Variants in DLC1 observed in about 807,000 individuals in gnomAD.
DLC1 encodes rho GTPase-activating protein 7.
In DLC1, 54 loss-of-function variants were observed where a neutral mutation model predicts 140.3. That is an observed-to-expected ratio of 0.38 (90% CI 0.31 to 0.48). The LOEUF (loss-of-function observed/expected upper bound fraction) is 0.48. Ranked by LOEUF, DLC1 falls within the 20% of genes least tolerant of loss-of-function variation. The pLI, the probability that DLC1 is intolerant of heterozygous loss-of-function variation, is 0.96. For missense variants in DLC1, 2,536 were observed against 1,907.0 expected (o/e 1.33, Z -6.14); for synonymous variants, 986 against 728.1 (o/e 1.35, Z -5.70).
At chr8:13,278,791 A>G (rs979874461) in intron 5 of DLC1, among the ~76,000 whole-genome samples, 1 of 152,230 alleles carries the variant, frequency 6.6e-6, no homozygotes, top group Non-Finnish European at 1.5e-5. Flanking sequence ...AAGGGAAATA[A>G]GCATTCATTA....
At chr8:13,439,094 A>C (rs181489220) in intron 2 of DLC1, among the ~76,000 whole-genome samples, 3 of 152,250 alleles carry the variant, frequency 2.0e-5, no homozygotes, top group East Asian at 3.9e-4. Flanking sequence ...TGGGAGGCCA[A>C]GGTGGGTAGA....
chr8:13,391,128 T>C (rs1836741798), intron 4 of DLC1, among the ~76,000 whole-genome samples: 1 of 152,248 alleles, frequency 6.6e-6, no homozygotes, highest in South Asian at 2.1e-4. Context: ...CATGGCCTGC[T>C]AGAGAACTTT....
At chr8:13,322,546 C>G (rs1833167765) in intron 4 of DLC1, among the ~76,000 whole-genome samples, 1 of 152,158 alleles carries the variant, frequency 6.6e-6, no homozygotes, top group Admixed American at 6.5e-5. Flanking sequence ...GACCTCAGAT[C>G]TAGTCCTATA....
chr8:13,352,578 C>A (rs1189363038), intron 4 of DLC1, among the ~76,000 whole-genome samples: 1 of 151,722 alleles, frequency 6.6e-6, no homozygotes, highest in Non-Finnish European at 1.5e-5. Context: ...ACAGGGCCTC[C>A]CTATGTTGCC....
upstream of DLC1, among the ~76,000 whole-genome samples, chr8:13,517,428 A>G (rs1207032355): frequency 6.6e-6 from 1 of 152,204 alleles, no homozygotes; most frequent in African/African-American, 2.4e-5. Flanking sequence ...CAAAAAATAC[A>G]TTATGTTTTC....
intron 5 of DLC1, among the ~76,000 whole-genome samples, chr8:13,156,511 A>T (rs1824270044): frequency 6.6e-6 from 1 of 152,144 alleles, no homozygotes; most frequent in Admixed American, 6.5e-5. Context: ...AGCCTGGCAA[A>T]ACCTATCAAA....
At position 13,090,209 on chromosome 8, in the gene DLC1, C is replaced by T. The variant is rs373719639; in HGVS notation, c.4074+43G>A. On this transcript the variant is annotated intron_variant, in intron 15 of 17. Coordinates refer to ENST00000276297, the MANE Select transcript of DLC1 (RefSeq NM_182643.3). ...TGTTATCTCTGATGGACCCAAGCTT[C>T]GACTCCTGGACTCAACTAGCCGACA... The T allele has an allele frequency of 1.8e-5, 28 of 1,576,240 alleles. No homozygotes were observed. The South Asian group carries it at 2.3e-4, about 13-fold the overall frequency.
intron 5 of DLC1, among the ~76,000 whole-genome samples, chr8:13,218,165 G>A (rs1354217191): frequency 2.0e-5 from 3 of 152,166 alleles, no homozygotes; most frequent in African/African-American, 7.2e-5. Context: ...AACAAATGGT[G>A]CTGGGACAAC....
intron 1 of DLC1, among the ~76,000 whole-genome samples, chr8:13,551,075 C>CACACAGACT (rs71207163): frequency 1.6e-5 from 2 of 121,718 alleles, no homozygotes; most frequent in Non-Finnish European, 3.3e-5. Flanking sequence ...CACACACACA[C>CACACAGACT]TTTTTTTTTT....
chr8:13,437,544 A>C (rs1408290503), intron 2 of DLC1, among the ~76,000 whole-genome samples: 1 of 152,228 alleles, frequency 6.6e-6, no homozygotes, highest in African/African-American at 2.4e-5. Context: ...TATGTCTTTC[A>C]ACATATCACG....
At chr8:13,398,793 A>T (rs1837165727) in intron 3 of DLC1, among the ~76,000 whole-genome samples, 1 of 152,138 alleles carries the variant, frequency 6.6e-6, no homozygotes, top group South Asian at 2.1e-4. Flanking sequence ...GGATGGAGAC[A>T]GATCAGTATT....
intron 5 of DLC1, among the ~76,000 whole-genome samples, chr8:13,146,301 C>A (rs117764483): frequency 0.023 from 3,457 of 151,080 alleles, 59 homozygotes; most frequent in Non-Finnish European, 0.03. Context: ...CACTGTAATA[C>A]GTAATAGTTG....
Position 13,498,782 on chromosome 8 carries a change from G to A in DLC1, c.1023+267C>T, listed in dbSNP as rs1585208151. 1.2e-5 allele frequency: 4 copies of A among 332,054 alleles called. No individual in the cohort carries two copies. The East Asian group carries it at 1.5e-4, about 13-fold the overall frequency. The allele number at this position is 332,054 out of a possible 1,614,324, so 20.6% of individuals were successfully genotyped here. ...GCTATTTAATTCCAACTAAAGAAAG[G>A]GATACCAATCCTGTTTTCAACACAA... is the stretch of plus-strand genomic sequence containing the variant. On this transcript the variant is annotated intron_variant, in intron 2 of 17. Transcript: ENST00000276297.
intron 5 of DLC1, among the ~76,000 whole-genome samples, chr8:13,199,677 A>G (rs1042029983): frequency 6.6e-6 from 1 of 152,176 alleles, no homozygotes; most frequent in African/African-American, 2.4e-5. Flanking sequence ...TGGCTTCTTC[A>G]TAAGATGGTG....
chr8:13,315,249 C>CACAT (rs1249676213), intron 4 of DLC1, among the ~76,000 whole-genome samples: 26 of 152,106 alleles, frequency 1.7e-4, no homozygotes, highest in Admixed American at 1.7e-3. Flanking sequence ...ACCCTGTCTC[C>CACAT]ACATACATAC....
Position 13,594,690 on chromosome 8 carries a change from A to G in DLC1, c.-126+9847T>C, listed in dbSNP as rs570684892. Among the ~76,000 whole-genome samples the G allele has an allele frequency of 3.9e-5, 6 of 152,090 alleles. No individual in the cohort carries two copies. In the South Asian group the frequency reaches 1.2e-3, roughly 32 times the overall value. ...TTTTTCTTTTTTAAAGTGAAAGCACATTTATTAGAGAAGTAAAGAAAGAAA... is the reference window on the plus strand; with the variant it reads ...TTTTTCTTTTTTAAAGTGAAAGCACGTTTATTAGAGAAGTAAAGAAAGAAA... On this transcript the variant is annotated intron_variant, in intron 1 of 1. Coordinates refer to the DLC1 transcript ENST00000631382.
chr8:13,379,683 A>G lies in DLC1; in HGVS notation c.1314+13870T>C, dbSNP rs139562226. ...TCAAGTTCTGGGGTACATGTGCAGA[A>G]CTTGCAGGTTTGTTACATAGGTATA... is the stretch of plus-strand genomic sequence containing the variant. On this transcript the variant is annotated intron_variant, in intron 4 of 17. Coordinates refer to ENST00000276297, the MANE Select transcript of DLC1 (RefSeq NM_182643.3). Among the ~76,000 whole-genome samples the G allele has an allele frequency of 9.6e-3, 1,457 of 152,228 alleles. 21 individuals carry two copies. The highest frequency in any genetic ancestry group is 0.033 in the African/African-American group (1,375 of 41,522).
intron 3 of DLC1, among the ~76,000 whole-genome samples, chr8:13,394,778 A>T (rs1310278638): frequency 6.6e-6 from 1 of 152,094 alleles, no homozygotes; most frequent in East Asian, 1.9e-4. Flanking sequence ...TTCTTTTAAT[A>T]CAGTAAGCTG....
intron 5 of DLC1, among the ~76,000 whole-genome samples, chr8:13,126,436 A>G (rs1821577383): frequency 6.6e-6 from 1 of 152,014 alleles, no homozygotes; most frequent in Non-Finnish European, 1.5e-5. Context: ...TCAAATATTT[A>G]TGCAGTTCAA....
Sources: allele counts gnomAD v4.1 joint callset (sites outside exome capture counted in the v4.1 genomes callset), GRCh38; gene constraint gnomAD v4.1.1; transcripts MANE v1.5; gene names NCBI Gene and HGNC (gene_info 2026-07-23, HGNC 2026-07-21).